NRG2: variants seen among roughly 807,000 people sequenced by gnomAD.
NRG2 encodes the protein pro-neuregulin-2, membrane-bound isoform.
A neutral mutation model predicts 73.9 loss-of-function variants in NRG2; 27 were observed. That is an observed-to-expected ratio of 0.37 (90% CI 0.27 to 0.50). The LOEUF (loss-of-function observed/expected upper bound fraction) is 0.50. NRG2 is among the 20% of genes least tolerant of loss of function. The probability of loss-of-function intolerance (pLI) is 0.96; values close to 1 mark genes in which losing one functional copy is unlikely to be tolerated. For missense variants in NRG2, 1,126 were observed against 1,210.1 expected (o/e 0.93, Z 1.03); for synonymous variants, 532 against 541.0 (o/e 0.98, Z 0.23).
chr5:139,892,510 C>T (rs867031669), intron 1 of NRG2, among the ~76,000 whole-genome samples: 12 of 152,256 alleles, frequency 7.9e-5, no homozygotes, highest in Admixed American at 3.3e-4. Flanking sequence ...CATCCAGAGA[C>T]AGCTCTAACG....
chr5:139,891,527 A>C (rs1409353697), intron 1 of NRG2, among the ~76,000 whole-genome samples: 1 of 152,164 alleles, frequency 6.6e-6, no homozygotes, highest in African/African-American at 2.4e-5. Context: ...GAATTCATTC[A>C]TTCATTCAAC....
At chr5:139,888,546 G>T (rs1212527693) in intron 1 of NRG2, among the ~76,000 whole-genome samples, 1 of 152,142 alleles carries the variant, frequency 6.6e-6, no homozygotes, top group African/African-American at 2.4e-5. Context: ...GCCCTGTCTC[G>T]GCCATTGGTC....
intron 1 of NRG2, among the ~76,000 whole-genome samples, chr5:139,953,533 A>T (rs1754389431): frequency 1.3e-5 from 2 of 152,040 alleles, no homozygotes; most frequent in South Asian, 4.2e-4. Context: ...ATGACCCACA[A>T]AGACTCAACG....
At chr5:139,859,981 G>GA in intron 5 of NRG2, 1 of 1,490,096 alleles carries the variant, frequency 6.7e-7, no homozygotes, top group Non-Finnish European at 9.3e-7. Flanking sequence ...GGTGGGGACA[G>GA]GGGGAGAGAG....
intron 3 of NRG2, among the ~76,000 whole-genome samples, chr5:139,875,145 G>A (rs1425263370): frequency 6.6e-6 from 1 of 152,130 alleles, no homozygotes; most frequent in Non-Finnish European, 1.5e-5. Flanking sequence ...CCAAGTAGCT[G>A]GGATTACAGG....
chr5:139,925,369 C>T (rs538822806), intron 1 of NRG2, among the ~76,000 whole-genome samples: 8 of 152,264 alleles, frequency 5.3e-5, no homozygotes, highest in Non-Finnish European at 8.8e-5. Context: ...CCTGAAAACG[C>T]GGTGCTGGGG....
intron 6 of NRG2, among the ~76,000 whole-genome samples, chr5:139,855,030 A>G (rs1221460472): frequency 6.6e-6 from 1 of 151,976 alleles, no homozygotes; most frequent in Non-Finnish European, 1.5e-5. Context: ...GCTGTCTTTT[A>G]GCTTAGACTG....
intron 1 of NRG2, among the ~76,000 whole-genome samples, chr5:139,955,756 A>G (rs1754576305): frequency 6.6e-6 from 1 of 152,186 alleles, no homozygotes; most frequent in Admixed American, 6.5e-5. Context: ...ACTTCCATGC[A>G]AGCCCAGTGA....
In NRG2 at chr5:140,008,808, A is replaced by G. The variant is rs1011493110; in HGVS notation, c.700+33562T>C. ...GGAGGTATAGTACTATGGTTAGGAT[A>G]TAGGCTCAGAAATCAGACAGGCATG... On this transcript the variant is annotated intron_variant, in intron 1 of 9. Transcript: ENST00000361474. This position sits in a 1 kb window ranked among gnomAD's most constrained non-coding sequence, Gnocchi z 4.2. Among the ~76,000 whole-genome samples, 3 of 152,206 alleles carry G rather than the reference A, an allele frequency of 2.0e-5. No homozygotes were observed. The highest frequency in any genetic ancestry group is 7.2e-5 in the African/African-American group (3 of 41,464).
intron 1 of NRG2, among the ~76,000 whole-genome samples, chr5:140,023,392 C>T (rs1424991889): frequency 6.6e-6 from 1 of 152,192 alleles, no homozygotes; most frequent in African/African-American, 2.4e-5. Context: ...TCCTCCAAAT[C>T]TATTCATTCA....
At chr5:139,901,324 C>T (rs751099237) in intron 1 of NRG2, among the ~76,000 whole-genome samples, 1 of 152,136 alleles carries the variant, frequency 6.6e-6, no homozygotes, top group Non-Finnish European at 1.5e-5. Flanking sequence ...TAATGAACCT[C>T]GAGGTGCCAG....
Position 139,848,363 on chromosome 5 carries a change from T to C in NRG2, c.2107A>G (p.Ser703Gly). 8.1e-7 allele frequency: 1 copy of C among 1,237,180 alleles called. No homozygotes were observed. Among genetic ancestry groups the C allele is most frequent in the Non-Finnish European group, 1.0e-6 (1 of 995,264 alleles). 76.6% of individuals were successfully genotyped at this position (1,237,180 alleles called of 1,614,324 possible). ...LGGSLGSLPA[S>G]PFRIPEDDEY... ...TCGTCCTCGGGGATGCGGAAGGGGC[T>C]GGCAGGCAGGCTGCCCAGGCTGCCG... Residue 703 changes from serine to glycine, a missense_variant, in exon 10 of 10, where the codon AGC becomes GGC. Transcript: ENST00000361474.
intron 1 of NRG2, among the ~76,000 whole-genome samples, chr5:139,955,113 G>A (rs555416779): frequency 4.6e-5 from 7 of 152,254 alleles, no homozygotes; most frequent in East Asian, 3.9e-4. Flanking sequence ...GGTTATCCCC[G>A]GCCCTTGAAG....
intron 1 of NRG2, among the ~76,000 whole-genome samples, chr5:139,923,202 A>G (rs1178375473): frequency 6.6e-6 from 1 of 152,156 alleles, no homozygotes; most frequent in African/African-American, 2.4e-5. Context: ...TGTGTGGGAC[A>G]GGGAGGGTGT....
intron 1 of NRG2, among the ~76,000 whole-genome samples, chr5:139,986,178 G>T (rs1055455727): frequency 3.9e-5 from 6 of 152,188 alleles, no homozygotes; most frequent in Non-Finnish European, 8.8e-5. Flanking sequence ...TGCACAAGAA[G>T]AAACTGAGGT....
At position 139,865,879 on chromosome 5, in the gene NRG2, G is replaced by C. The variant is rs1476999834; in HGVS notation, c.1113-254C>G. 6.6e-6 allele frequency among the ~76,000 whole-genome samples: 1 copy of C among 152,144 alleles called. No individual in the cohort carries two copies. Among genetic ancestry groups the C allele is most frequent in the Non-Finnish European group, 1.5e-5 (1 of 68,018 alleles). ...CAGGGGGAGGATGATTTAGGTAAGTGGGGTGAGGGAAGATGGGAAATTGTC... is the reference window on the plus strand; with the variant it reads ...CAGGGGGAGGATGATTTAGGTAAGTCGGGTGAGGGAAGATGGGAAATTGTC... On this transcript the variant is annotated intron_variant, in intron 4 of 9. Coordinates refer to ENST00000361474, the MANE Select transcript of NRG2 (RefSeq NM_004883.3). The surrounding 1 kb of genome is among the most constrained non-coding windows in gnomAD (Gnocchi z 5.2).
At chr5:139,949,191 A>G (rs1418640229) in intron 1 of NRG2, among the ~76,000 whole-genome samples, 2 of 152,150 alleles carry the variant, frequency 1.3e-5, no homozygotes, top group Non-Finnish European at 2.9e-5. Context: ...AGGAGCCCCC[A>G]TCTTTCCTCT....
At position 140,042,673 on chromosome 5, in the gene NRG2, C is replaced by T; in HGVS notation, c.397G>A (p.Gly133Ser). 1 of 1,592,592 alleles carries T rather than the reference C, an allele frequency of 6.3e-7. No homozygotes were observed. Among genetic ancestry groups the T allele is most frequent in the South Asian group, 1.1e-5 (1 of 88,290 alleles). ...QAYKAPVVVE[G>S]KVQGLVPAGG... ...GCTGGGACCAGCCCCTGTACCTTGC[C>T]CTCCACCACCACGGGTGCCTTGTAC... is the stretch of plus-strand genomic sequence containing the variant. Residue 133 changes from glycine (G) to serine (S), a missense_variant, in exon 1 of 10, where the codon GGC (glycine) becomes AGC (serine). Gly to Ser is a moderately conservative substitution (Grantham distance 56, BLOSUM62 0). Transcript: ENST00000361474.
rs543642114 is a variant in NRG2 at position 139,904,926 on chromosome 5, G to A, written c.701-17415C>T. Among the ~76,000 whole-genome samples, 5 of 152,318 alleles carry A rather than the reference G, an allele frequency of 3.3e-5. No individual in the cohort carries two copies. ...TCGAGGCACCCCCGGCCGTACAGGC[G>A]GGTTGCCTGTGCCTCTCATGCCTGC... On this transcript the variant is annotated intron_variant, in intron 1 of 9. Transcript: ENST00000361474. This position sits in a 1 kb window ranked among gnomAD's most constrained non-coding sequence, Gnocchi z 6.0.
Sources: allele counts gnomAD v4.1 joint callset (sites outside exome capture counted in the v4.1 genomes callset), GRCh38; gene constraint gnomAD v4.1.1; non-coding constraint Gnocchi (gnomAD v3.1); transcripts MANE v1.5; gene names NCBI Gene and HGNC (gene_info 2026-07-23, HGNC 2026-07-21).